The following DHX35 variants were observed in gnomAD, a reference collection of about 807,000 sequenced individuals.
The protein encoded by DHX35 is DEAH-box helicase 35.
A neutral mutation model predicts 99.6 loss-of-function variants in DHX35; 84 were observed. The observed-to-expected ratio is 0.84, with a 90% CI of 0.71 to 1.01. DHX35 has a LOEUF of 1.01. DHX35 is among the 50% of genes least tolerant of loss of function. The probability of loss-of-function intolerance (pLI) is 0.00; values close to 1 mark genes in which losing one functional copy is unlikely to be tolerated. For missense variants in DHX35, 852 were observed against 888.5 expected, an observed-to-expected ratio of 0.96 and a Z score of 0.52; for synonymous variants, 331 against 316.2, an observed-to-expected ratio of 1.05 and a Z score of -0.50.
intron 8 of DHX35, among the ~76,000 whole-genome samples, chr20:38,995,790 C>T (rs2086420182): frequency 6.6e-6 from 1 of 152,150 alleles, no homozygotes; most frequent in Non-Finnish European, 1.5e-5. Flanking sequence ...AGGTGGTGAC[C>T]TACCAGCTGT....
intron 21 of DHX35, among the ~76,000 whole-genome samples, chr20:39,037,731 AGTGGAGG>A (rs2087178607): frequency 6.6e-6 from 1 of 152,090 alleles, no homozygotes; most frequent in Non-Finnish European, 1.5e-5. Flanking sequence ...CCAGTTGATG[AGTGGAGG>A]GAGGTCTTTC....
At chr20:39,035,458 C>T (rs890407806) in intron 21 of DHX35, among the ~76,000 whole-genome samples, 1 of 152,212 alleles carries the variant, frequency 6.6e-6, no homozygotes, top group Admixed American at 6.5e-5. Flanking sequence ...CTGTTGTTTA[C>T]AGCAGAAGAG....
chr20:38,972,542 G>A lies in DHX35; in HGVS notation c.175-17G>A. On this transcript the variant is annotated splice_polypyrimidine_tract_variant and intron_variant, in intron 2 of 21. Coordinates refer to ENST00000252011, the MANE Select transcript of DHX35 (RefSeq NM_021931.4). ...GACAATGTATGGCTATTTGCAAGGT[G>A]TGTTATTCTTTTTCAGCTTAGGAAT... is the stretch of plus-strand genomic sequence containing the variant. The A allele has an allele frequency of 1.3e-6, 2 of 1,516,452 alleles. No homozygotes were observed. Among genetic ancestry groups the A allele is most frequent in the Non-Finnish European group, 1.8e-6 (2 of 1,092,500 alleles). 93.9% of individuals were successfully genotyped at this position (1,516,452 alleles called of 1,614,324 possible). A position where few individuals can be genotyped will look rare whatever the true frequency, so the allele number is the denominator to read the frequency against.
At chr20:39,031,019 C>T (rs555018702) in intron 20 of DHX35, among the ~76,000 whole-genome samples, 2 of 152,086 alleles carry the variant, frequency 1.3e-5, no homozygotes, top group Non-Finnish European at 2.9e-5. Context: ...AAAAATTAGC[C>T]AGGCGTGATG....
intron 1 of DHX35, among the ~76,000 whole-genome samples, chr20:38,964,795 T>C (rs2145824040): frequency 6.6e-6 from 1 of 151,832 alleles, no homozygotes; most frequent in South Asian, 2.1e-4. Flanking sequence ...GGCAGTGGAG[T>C]AGAGAGTGGA....
At chr20:39,010,186 T>C (rs775916447) in intron 12 of DHX35, 94 bp from the exon 13 acceptor site, 42 of 1,561,144 alleles carry the variant, frequency 2.7e-5, no homozygotes, top group Non-Finnish European at 3.7e-5. Context: ...TAGAGACCCT[T>C]GTTCAAGATA....
At chr20:38,962,729 G>A (rs897299543) in intron 1 of DHX35, 4 of 373,072 alleles carry the variant, frequency 1.1e-5, no homozygotes, top group African/African-American at 8.5e-5. Context: ...CTCGTGTCTC[G>A]TTAGCGCCCT....
At chr20:38,986,099 G>A (rs186328021) in intron 4 of DHX35, among the ~76,000 whole-genome samples, 12 of 151,794 alleles carry the variant, frequency 7.9e-5, no homozygotes, top group African/African-American at 2.7e-4. Flanking sequence ...ACAGTGTCTC[G>A]TCTACCTCAT....
At chr20:38,967,170 G>A (rs1226560449) in intron 1 of DHX35, among the ~76,000 whole-genome samples, 1 of 152,158 alleles carries the variant, frequency 6.6e-6, no homozygotes, top group East Asian at 1.9e-4. Flanking sequence ...GTAAATTCTG[G>A]TGTGTTTTTT....
chr20:39,036,070 G>A (rs894426485), intron 21 of DHX35, among the ~76,000 whole-genome samples: 2 of 152,166 alleles, frequency 1.3e-5, no homozygotes, highest in African/African-American at 4.8e-5. Context: ...GTCAAGAGAA[G>A]GGATCAGAAA....
intron 3 of DHX35, among the ~76,000 whole-genome samples, chr20:38,981,718 G>A (rs912776756): frequency 1.3e-5 from 2 of 152,022 alleles, no homozygotes; most frequent in Non-Finnish European, 2.9e-5. Flanking sequence ...CAAAGTGGGT[G>A]GATCACCTGA....
At chr20:39,022,807 G>A (rs74334720) in intron 16 of DHX35, among the ~76,000 whole-genome samples, 3 of 152,336 alleles carry the variant, frequency 2.0e-5, no homozygotes, top group Non-Finnish European at 4.4e-5. Context: ...TGGAAAGACG[G>A]AAGGACAAGT....
In DHX35 at chr20:39,038,767, C is replaced by T. The variant is rs1178710463; in HGVS notation, c.*224C>T. 2.1e-5 allele frequency: 12 copies of T among 582,248 alleles called. No homozygotes were observed. Among genetic ancestry groups the T allele is most frequent in the Non-Finnish European group, 3.4e-5 (11 of 326,664 alleles). The allele number at this position is 582,248 out of a possible 1,614,324, so 36.1% of individuals were successfully genotyped here. A position where few individuals can be genotyped will look rare whatever the true frequency, so the allele number is the denominator to read the frequency against. On this transcript the variant is annotated 3_prime_UTR_variant, in exon 22 of 22. Transcript: ENST00000252011. ...GTGCATGGGCAGGCATCCTTCTGTG[C>T]TGCAGCGGGCAGAGTGGGAGTTGGC... is the stretch of plus-strand genomic sequence containing the variant.
chr20:39,004,272 A>G (rs1220239510), intron 11 of DHX35, among the ~76,000 whole-genome samples: 3 of 152,026 alleles, frequency 2.0e-5, no homozygotes, highest in Non-Finnish European at 2.9e-5. Context: ...TCACTAAGTT[A>G]GCCAGGATGG....
Position 38,970,041 on chromosome 20 carries a change from C to T in DHX35, c.174+827C>T, listed in dbSNP as rs183125664. Among the ~76,000 whole-genome samples the T allele has an allele frequency of 1.2e-3, 184 of 152,246 alleles. 1 individual carries two copies. Among genetic ancestry groups the T allele is most frequent in the African/African-American group, 1.9e-4 (8 of 41,548 alleles). On this transcript the variant is annotated intron_variant, in intron 2 of 21. Transcript: ENST00000252011. The stretch of plus-strand genomic sequence containing the variant: ...TCTGTGTCTCTTTCTTTCTCCTGGA[C>T]GGTGCTGGGTGAAAGTTGCTGTGTT...
At chr20:38,968,986 C>T in intron 1 of DHX35, 95 bp from the exon 2 acceptor site, 1 of 1,348,804 alleles carries the variant, frequency 7.4e-7, no homozygotes, top group Non-Finnish European at 9.9e-7. Flanking sequence ...AGTATTGCTT[C>T]TTCTGTATAT....
chr20:38,990,534 C>T (rs1360490300), intron 5 of DHX35, among the ~76,000 whole-genome samples: 1 of 152,132 alleles, frequency 6.6e-6, no homozygotes, highest in Non-Finnish European at 1.5e-5. Context: ...GCGGGTTCTG[C>T]ATCTGTGGAT....
rs1555820637 is a variant in DHX35 at position 38,989,100 on chromosome 20, T to TC, written c.450+183_450+184insC. The stretch of plus-strand genomic sequence containing the variant: ...GACAGAGAGCTCTTCCTTTTTTCTT[T>TC]TTTTTTTTTTTTTTTGAGACAGAGT... On this transcript the variant is annotated intron_variant, in intron 5 of 21. Transcript: ENST00000252011. Among the ~76,000 whole-genome samples, 681 of 136,622 alleles carry TC rather than the reference T, an allele frequency of 5.0e-3. 9 individuals are homozygous for TC. The highest frequency in any genetic ancestry group is 0.017 in the African/African-American group (650 of 39,076). 89.6% of individuals were successfully genotyped at this position (136,622 alleles called of 152,430 possible). A position where few individuals can be genotyped will look rare whatever the true frequency, so the allele number is the denominator to read the frequency against.
At chr20:38,984,175 G>T (rs2086216427) in intron 4 of DHX35, among the ~76,000 whole-genome samples, 1 of 152,190 alleles carries the variant, frequency 6.6e-6, no homozygotes, top group Admixed American at 6.5e-5. Context: ...CTCCCAAAAT[G>T]CTGGGATTAC....
Sources: gnomAD v4.1 joint callset for allele counts (sites outside exome capture counted in the v4.1 genomes callset) on GRCh38, gnomAD v4.1.1 for gene constraint, MANE v1.5 for transcripts, NCBI Gene and HGNC (gene_info 2026-07-23, HGNC 2026-07-21) for gene names.